PIEZO1: variants seen among roughly 807,000 people sequenced by gnomAD.
The protein encoded by PIEZO1 is piezo type mechanosensitive ion channel component 1 (Er blood group).
A neutral mutation model predicts 297.2 loss-of-function variants in PIEZO1; 296 were observed. The ratio of observed to expected loss-of-function variants is 1.00; its 90% CI spans 0.91 to 1.10. The LOEUF is 1.10. Ranked by LOEUF, PIEZO1 falls within the 50% of genes least tolerant of loss-of-function variation. PIEZO1 has a pLI of 0.00. For synonymous variants in PIEZO1, 2,427 were observed against 1,507.5 expected (o/e 1.61, Z -14.13); for missense variants, 5,018 against 3,455.5 (o/e 1.45, Z -11.34).
chr16:88,732,638 C>A lies in PIEZO1; in HGVS notation c.2759G>T (p.Arg920Leu). The A allele has an allele frequency of 6.5e-7, 1 of 1,549,660 alleles. No individual in the cohort carries two copies. Among genetic ancestry groups the A allele is most frequent in the East Asian group, 2.4e-5 (1 of 40,916 alleles). ...PVDPANWFGV[R>L]KGFPNLGYIQ... is the part of the protein sequence containing the mutation. ...GTAGCCCAGGTTGGGGAACCCTTTC[C>A]GCACCCCAAACCAGTTGGCAGGGTC... Residue 920 changes from arginine (R) to leucine (L), a missense_variant, in exon 20 of 51, where the codon CGG becomes CTG. Physicochemically the swap from Arg to Leu is moderately radical, Grantham distance 102. Transcript: ENST00000301015.
chr16:88,743,659 C>T (rs1353595751), intron 2 of PIEZO1: 9 of 456,608 alleles, frequency 2.0e-5, no homozygotes, highest in South Asian at 1.4e-4. Flanking sequence ...CCCCCTCTTT[C>T]TGGAGCAAAG....
At chr16:88,737,517 G>GTC in intron 10 of PIEZO1, 42 bp downstream of exon 10, 1 of 1,361,954 alleles carries the variant, frequency 7.3e-7, no homozygotes, top group Non-Finnish European at 1.0e-6. Context: ...CCTCCGCCCC[G>GTC]CCCCCCGCAC....
At chr16:88,725,922 T>A (rs1400897793) in intron 27 of PIEZO1, 2 of 572,060 alleles carry the variant, frequency 3.5e-6, no homozygotes, top group East Asian at 5.9e-5. Flanking sequence ...CCACCACAGC[T>A]GCAGGGAAGA....
chr16:88,745,120 C>G (rs1905963608), intron 2 of PIEZO1: 1 of 146,490 alleles, frequency 6.8e-6, no homozygotes, highest in Non-Finnish European at 1.5e-5. Flanking sequence ...CTGGGAAAAC[C>G]AGGCTGAGCC....
Position 88,785,063 on chromosome 16 carries a change from G to GGGACCCGCGC in PIEZO1, c.-109_-100dup, listed in dbSNP as rs1380169373. 1 of 679,270 alleles carries GGGACCCGCGC rather than the reference G, an allele frequency of 1.5e-6. No homozygotes were observed. The highest frequency in any genetic ancestry group is 1.9e-5 in the African/African-American group (1 of 52,728). 42.1% of individuals were successfully genotyped at this position (679,270 alleles called of 1,614,324 possible). On this transcript the variant is annotated 5_prime_UTR_variant, in exon 1 of 51. Transcript: ENST00000301015. ...GCCGGCGCGCCATGGCTGACCCGCG[G>GGGACCCGCGC]GGACCCGCGCGCCGCCTTCTCCTCT...
chr16:88,725,151 C>T (rs538424602), intron 29 of PIEZO1, 71 bp from the exon 30 acceptor site: 12 of 1,077,278 alleles, frequency 1.1e-5, no homozygotes, highest in African/African-American at 4.9e-5. Context: ...TGAGTGCTCC[C>T]GTCTTGGAGA....
intron 39 of PIEZO1, 151 bp downstream of exon 39, chr16:88,721,015 G>A (rs1468688979): frequency 2.3e-6 from 2 of 859,302 alleles, no homozygotes; most frequent in African/African-American, 1.7e-5. Context: ...TGTAGGCAGA[G>A]CCGGGAGCTG....
At chr16:88,770,303 C>G (rs1435734911) in intron 1 of PIEZO1, among the ~76,000 whole-genome samples, 6 of 152,210 alleles carry the variant, frequency 3.9e-5, no homozygotes, top group Non-Finnish European at 2.9e-5. Context: ...CCCGCTCCCC[C>G]ATGACCCGGT....
intron 6 of PIEZO1, 46 bp from the exon 7 acceptor site, chr16:88,738,486 G>A (rs1905409505): frequency 6.5e-7 from 1 of 1,527,436 alleles, no homozygotes; most frequent in Non-Finnish European, 8.8e-7. Flanking sequence ...AGTGCCATGT[G>A]TCCCGCTGTC....
At chr16:88,722,183 T>C (rs528041448) in intron 36 of PIEZO1, 35 bp downstream of exon 36, 12 of 1,534,936 alleles carry the variant, frequency 7.8e-6, no homozygotes, top group East Asian at 7.3e-5. Context: ...CCGAGGGCCA[T>C]GGTGAGGCTG....
chr16:88,760,264 T>C (rs1245684584), intron 1 of PIEZO1, among the ~76,000 whole-genome samples: 1 of 152,136 alleles, frequency 6.6e-6, no homozygotes, highest in Non-Finnish European at 1.5e-5. Context: ...TCCTGCACGG[T>C]TCTCTGTCCA....
At chr16:88,778,048 T>C (rs967311594) in intron 1 of PIEZO1, among the ~76,000 whole-genome samples, 2 of 152,120 alleles carry the variant, frequency 1.3e-5, no homozygotes, top group Non-Finnish European at 2.9e-5. Flanking sequence ...AAGTCACAGT[T>C]GAGTTTCATT....
At chr16:88,724,424 G>A (rs1479059196) in intron 30 of PIEZO1, among the ~76,000 whole-genome samples, 1 of 152,056 alleles carries the variant, frequency 6.6e-6, no homozygotes, top group Admixed American at 6.6e-5. Flanking sequence ...CCAGCTACTT[G>A]GGAGGCTGAG....
chr16:88,770,127 C>T (rs905821552), intron 1 of PIEZO1, among the ~76,000 whole-genome samples: 3 of 152,162 alleles, frequency 2.0e-5, no homozygotes, highest in African/African-American at 4.8e-5. Flanking sequence ...CCCCTCCCCA[C>T]CCTCTCTCCA....
At position 88,721,656 on chromosome 16, in the gene PIEZO1, C is replaced by A. The variant is rs767483546; in HGVS notation, c.5285G>T (p.Arg1762Leu). 1.9e-6 allele frequency: 3 copies of A among 1,550,030 alleles called. No homozygotes were observed. The highest frequency in any genetic ancestry group is 2.6e-6 in the Non-Finnish European group (3 of 1,146,810). ...FPWNSHVVLR[R>L]YENKPYFPPR... ...CGGGAAGTAGGGCTTGTTCTCGTAG[C>A]GCCGCAGCACCACGTGGCTGTTCCA... Residue 1762 changes from arginine to leucine, a missense_variant, in exon 38 of 51, where the codon CGC becomes CTC. Coordinates refer to ENST00000301015, the MANE Select transcript of PIEZO1 (RefSeq NM_001142864.4).
chr16:88,763,212 G>A (rs890847022), intron 1 of PIEZO1, among the ~76,000 whole-genome samples: 4 of 152,188 alleles, frequency 2.6e-5, no homozygotes, highest in African/African-American at 4.8e-5. Flanking sequence ...TGGCGGCTCA[G>A]GGCACTTACG....
At chr16:88,749,865 C>T (rs534229171) in intron 1 of PIEZO1, among the ~76,000 whole-genome samples, 52 of 146,924 alleles carry the variant, frequency 3.5e-4, no homozygotes, top group African/African-American at 9.1e-4. Flanking sequence ...CTGTCTCCAC[C>T]GAAAATACAA....
chr16:88,741,610 G>A lies in PIEZO1; in HGVS notation c.333C>T (p.Asp111=). Residue 111 remains aspartate (D), a synonymous_variant, in exon 5 of 51, where the codon GAC becomes GAT. Coordinates refer to ENST00000301015, the MANE Select transcript of PIEZO1 (RefSeq NM_001142864.4). ...LSRHIGVTRL[D]LKDIPNAIRL... The stretch of plus-strand genomic sequence containing the variant: ...GGATGGCGTTGGGGATGTCCTTCAG[G>A]TCCAGCCTGCGGAGAGCAGGGAGCA... The A allele has an allele frequency of 6.5e-7, 1 of 1,535,024 alleles. No individual in the cohort carries two copies. The highest frequency in any genetic ancestry group is 8.7e-7 in the Non-Finnish European group (1 of 1,146,520).
At chr16:88,770,072 A>G (rs1907353279) in intron 1 of PIEZO1, among the ~76,000 whole-genome samples, 6 of 152,116 alleles carry the variant, frequency 3.9e-5, no homozygotes, top group Admixed American at 2.6e-4. Flanking sequence ...CCCAGGGAAG[A>G]GGACTGATGC....
Sources: allele counts gnomAD v4.1 joint callset (sites outside exome capture counted in the v4.1 genomes callset), GRCh38; gene constraint gnomAD v4.1.1; transcripts MANE v1.5; gene names NCBI Gene and HGNC (gene_info 2026-07-23, HGNC 2026-07-21).